Variants in ABCA9 observed in about 807,000 individuals in gnomAD.
ABCA9 encodes the protein ATP binding cassette subfamily A member 9, also known as ATP-binding cassette sub-family A member 9.
ABCA9 carries 183 observed loss-of-function variants against 205.3 expected under a neutral mutation model. The observed-to-expected ratio is 0.89, with a 90% CI of 0.79 to 1.01. ABCA9 has a LOEUF of 1.01. Ranked by LOEUF, ABCA9 falls within the 50% of genes least tolerant of loss-of-function variation. ABCA9 has a pLI of 0.00. For synonymous variants in ABCA9, 651 were observed against 683.3 expected, an observed-to-expected ratio of 0.95 and a Z score of 0.74; for missense variants, 1,805 against 1,912.4, an observed-to-expected ratio of 0.94 and a Z score of 1.05.
chr17:69,004,499 C>T (rs1405753064), intron 25 of ABCA9, among the ~76,000 whole-genome samples: 1 of 152,220 alleles, frequency 6.6e-6, no homozygotes, highest in Non-Finnish European at 1.5e-5. Context: ...ACTGGGAGAA[C>T]CACTGCTTTC....
At chr17:69,026,295 AC>A (rs2070981883) in intron 16 of ABCA9, 81 bp downstream of exon 16, 2 of 1,113,084 alleles carry the variant, frequency 1.8e-6, no homozygotes, top group South Asian at 1.4e-5. Context: ...TATAGGGCCT[AC>A]TTTTACACAT....
intron 20 of ABCA9, 60 bp from the exon 21 acceptor site, chr17:69,017,849 T>A: frequency 1.5e-5 from 24 of 1,552,446 alleles, no homozygotes; most frequent in Non-Finnish European, 2.1e-5. Flanking sequence ...TCAAGTAATA[T>A]TAAAAATACA....
chr17:69,040,047 C>T (rs1038266791), intron 6 of ABCA9, among the ~76,000 whole-genome samples: 6 of 152,096 alleles, frequency 3.9e-5, no homozygotes, highest in Non-Finnish European at 8.8e-5. Context: ...ATTAAAAAGT[C>T]AGGAAACAAC....
chr17:68,992,100 T>G, intron 28 of ABCA9, 75 bp downstream of exon 28: 4 of 1,032,150 alleles, frequency 3.9e-6, no homozygotes. Flanking sequence ...TTTACTTAAT[T>G]AATTCAGCAC....
At chr17:68,999,589 G>A (rs1194976229) in intron 25 of ABCA9, among the ~76,000 whole-genome samples, 10 of 147,974 alleles carry the variant, frequency 6.8e-5, no homozygotes, top group East Asian at 4.0e-4. Flanking sequence ...ATAAACATAC[G>A]TGTGCATGTG....
chr17:68,993,119 C>T (rs2069509269), intron 26 of ABCA9, 35 bp from the exon 27 acceptor site: 1 of 1,549,364 alleles, frequency 6.5e-7, no homozygotes. Context: ...TCAGGTGAAC[C>T]TTCTTTATTT....
chr17:69,060,142 T>G (rs11657541), intron 1 of ABCA9, among the ~76,000 whole-genome samples: 70,769 of 152,044 alleles, frequency 0.47, 19,506 homozygotes, highest in Middle Eastern at 0.62. Context: ...AAGACTGATT[T>G]TTCCCCCCAC....
At chr17:69,031,010 G>A (rs1404391568) in intron 10 of ABCA9, among the ~76,000 whole-genome samples, 1 of 152,170 alleles carries the variant, frequency 6.6e-6, no homozygotes, top group Non-Finnish European at 1.5e-5. Context: ...ACGCAGGACT[G>A]GCAGTCTTGA....
intron 14 of ABCA9, 35 bp downstream of exon 14, chr17:69,027,295 A>C (rs1448293095): frequency 6.2e-7 from 1 of 1,604,074 alleles, no homozygotes; most frequent in Admixed American, 1.7e-5. Context: ...TATAGTCTTC[A>C]ATCTGATTTC....
chr17:69,067,225 A>T, the ABCA9 span, among the ~76,000 whole-genome samples: 1 of 151,984 alleles, frequency 6.6e-6, no homozygotes, highest in Non-Finnish European at 1.5e-5. Flanking sequence ...ATTAAATATG[A>T]TTTAATATTT....
chr17:69,035,172 T>C (rs915050046), intron 8 of ABCA9, 74 bp downstream of exon 8: 1 of 1,231,286 alleles, frequency 8.1e-7, no homozygotes. Context: ...GCTTAGAGCA[T>C]GTTGTGTGAA....
intron 28 of ABCA9, among the ~76,000 whole-genome samples, chr17:68,991,581 T>C (rs1355738709): frequency 6.6e-6 from 1 of 152,254 alleles, no homozygotes; most frequent in East Asian, 1.9e-4. Context: ...TCCTAAAACA[T>C]GGCTGTCATC....
chr17:69,008,419 G>A (rs987781875), intron 23 of ABCA9, among the ~76,000 whole-genome samples, 184 bp from the exon 24 acceptor site: 1 of 152,196 alleles, frequency 6.6e-6, no homozygotes, highest in South Asian at 2.1e-4. Context: ...TGCAAGCCAC[G>A]TCATTATTTC....
At chr17:69,033,971 T>A in intron 8 of ABCA9, 98 bp from the exon 9 acceptor site, 1 of 984,118 alleles carries the variant, frequency 1.0e-6, no homozygotes, top group Non-Finnish European at 1.5e-6. Context: ...CAAAGATAAA[T>A]AAGATATAAT....
chr17:69,029,789 C>T (rs956922990), intron 10 of ABCA9, among the ~76,000 whole-genome samples: 3 of 151,934 alleles, frequency 2.0e-5, no homozygotes, highest in African/African-American at 4.8e-5. Context: ...AGATAATATA[C>T]GCAGAACACA....
At chr17:69,025,480 C>T (rs1246741823) in intron 16 of ABCA9, among the ~76,000 whole-genome samples, 2 of 152,068 alleles carry the variant, frequency 1.3e-5, no homozygotes, top group African/African-American at 4.8e-5. Flanking sequence ...AACAAGACAA[C>T]TGAACTATGA....
At chr17:69,064,425 T>G (rs536735432), upstream of ABCA9, among the ~76,000 whole-genome samples, 1 of 152,212 alleles carries the variant, frequency 6.6e-6, no homozygotes, top group African/African-American at 2.4e-5. Context: ...CTGCTCCTTA[T>G]AGGATACACC....
At chr17:69,029,639 A>G (rs1282682111) in intron 10 of ABCA9, among the ~76,000 whole-genome samples, 3 of 152,190 alleles carry the variant, frequency 2.0e-5, no homozygotes, top group Non-Finnish European at 4.4e-5. Flanking sequence ...TAAATGATTC[A>G]CAACTGGTGA....
chr17:69,020,434 C>T lies in ABCA9; in HGVS notation c.2554G>A (p.Val852Ile). 1 of 1,613,894 alleles carries T rather than the reference C, an allele frequency of 6.2e-7. No individual in the cohort carries two copies. Residue 852 changes from valine (V) to isoleucine (I), a missense_variant, in exon 19 of 39, where the codon GTT (valine) becomes ATT (isoleucine). Coordinates refer to ENST00000340001, the MANE Select transcript of ABCA9 (RefSeq NM_080283.4). ...TCTTTCTTTAACTTTAGGAAGCGAACTTTTGCTATTGCACAGACCTGCTGC... is the reference window on the plus strand; with the variant it reads ...TCTTTCTTTAACTTTAGGAAGCGAATTTTTGCTATTGCACAGACCTGCTGC... ...WRQQVCAIAK[V>I]RFLKLKKERK...
Sources: gnomAD v4.1 joint callset for allele counts (sites outside exome capture counted in the v4.1 genomes callset) on GRCh38, gnomAD v4.1.1 for gene constraint, MANE v1.5 for transcripts, NCBI Gene and HGNC (gene_info 2026-07-23, HGNC 2026-07-21) for gene names.